The following NAALADL2 variants were observed in gnomAD, a reference collection of about 807,000 sequenced individuals.
NAALADL2 encodes the protein N-acetylated alpha-linked acidic dipeptidase like 2.
Under a neutral mutation model 87.2 loss-of-function variants are expected in NAALADL2, and 76 were observed. That is an observed-to-expected ratio of 0.87 (90% CI 0.72 to 1.05). The LOEUF is 1.05. Among genes scored for constraint, NAALADL2 ranks in the 50% least tolerant of loss-of-function variants. The pLI is 0.00. For missense variants in NAALADL2, 1,089 were observed against 945.8 expected, an observed-to-expected ratio of 1.15 and a Z score of -1.99; for synonymous variants, 354 against 331.0, an observed-to-expected ratio of 1.07 and a Z score of -0.75.
chr3:174,498,614 C>A (rs1718697546), intron 1 of NAALADL2, among the ~76,000 whole-genome samples: 1 of 149,752 alleles, frequency 6.7e-6, no homozygotes. Context: ...AAAAGATAAA[C>A]TATATATAAA....
In NAALADL2 at chr3:175,541,923, G is replaced by A. The variant is rs554920496; in HGVS notation, c.1654-34118G>A. Among the ~76,000 whole-genome samples the A allele has an allele frequency of 1.2e-4, 19 of 152,250 alleles. No homozygotes were observed. The East Asian group carries it at 3.5e-3, about 28-fold the overall frequency. On this transcript the variant is annotated intron_variant, in intron 9 of 13. Transcript: ENST00000454872. ...TTTAGAAGAGATGGGGTTTCACCATGTTGGCCAGGCTGTTCTCAAACTTAG... is the reference window on the plus strand; with the variant it reads ...TTTAGAAGAGATGGGGTTTCACCATATTGGCCAGGCTGTTCTCAAACTTAG...
At chr3:175,718,527 A>G (rs1741720796) in intron 11 of NAALADL2, 1 of 1,590,776 alleles carries the variant, frequency 6.3e-7, no homozygotes, top group Non-Finnish European at 8.6e-7. Flanking sequence ...ATCCCTGTCC[A>G]TCTTGTAAGT....
intron 5 of NAALADL2, among the ~76,000 whole-genome samples, chr3:175,394,022 T>G (rs1394885870): frequency 6.6e-6 from 1 of 151,958 alleles, no homozygotes; most frequent in Non-Finnish European, 1.5e-5. Context: ...AATTTACATA[T>G]TTGCAGAAAA....
intron 12 of NAALADL2, among the ~76,000 whole-genome samples, chr3:175,751,406 G>GA (rs1208723155): frequency 6.6e-5 from 10 of 151,030 alleles, no homozygotes; most frequent in East Asian, 5.8e-4. Context: ...ACATCTCTGA[G>GA]AAAAAAAAAG....
intron 2 of NAALADL2, among the ~76,000 whole-genome samples, chr3:175,154,890 T>A (rs1732071260): frequency 6.6e-6 from 1 of 152,146 alleles, no homozygotes. Flanking sequence ...CTTTACTCCA[T>A]ACCCCTGTTA....
intron 1 of NAALADL2, among the ~76,000 whole-genome samples, chr3:175,025,081 G>A (rs544999188): frequency 1.4e-4 from 22 of 151,928 alleles, no homozygotes; most frequent in African/African-American, 4.8e-4. Context: ...TCACTTTTTC[G>A]CTTTGGTAGT....
At chr3:174,673,143 C>G (rs1726729374) in intron 2 of NAALADL2, among the ~76,000 whole-genome samples, 1 of 152,034 alleles carries the variant, frequency 6.6e-6, no homozygotes. Flanking sequence ...GGAATACTTT[C>G]AGCTGGAATA....
At chr3:174,774,463 A>G (rs545175083) in intron 3 of NAALADL2, among the ~76,000 whole-genome samples, 2 of 152,292 alleles carry the variant, frequency 1.3e-5, no homozygotes, top group East Asian at 3.9e-4. Flanking sequence ...TCGAGGAGAA[A>G]CAACAGCCTT....
At chr3:175,219,933 A>G (rs1301592770) in intron 2 of NAALADL2, among the ~76,000 whole-genome samples, 1 of 142,964 alleles carries the variant, frequency 7.0e-6, no homozygotes, top group East Asian at 2.0e-4. Context: ...CATAAATAAT[A>G]TTTTTTCTTA....
intron 1 of NAALADL2, among the ~76,000 whole-genome samples, chr3:174,907,721 T>C (rs1472195960): frequency 2.0e-5 from 3 of 152,100 alleles, no homozygotes; most frequent in Non-Finnish European, 4.4e-5. Flanking sequence ...TGGTGTTCAT[T>C]AGTAACATAA....
intron 13 of NAALADL2, among the ~76,000 whole-genome samples, chr3:175,763,716 C>A (rs1460880448): frequency 2.0e-5 from 3 of 152,050 alleles, no homozygotes; most frequent in African/African-American, 4.8e-5. Flanking sequence ...GAACATGACC[C>A]CACATTTATA....
In NAALADL2 at chr3:175,222,026, CCTGCCTTGG is replaced by C. The variant is rs374851545; in HGVS notation, c.546-11903_546-11895del. On this transcript the variant is annotated intron_variant, in intron 2 of 13. Transcript: ENST00000454872. ...CGAACTCCCGAGCTCAGGGAATCCA[CCTGCCTTGG>C]CCTCCCAGAGTGTCAGTGGTTATTT... Among the ~76,000 whole-genome samples, 5 of 152,152 alleles carry C rather than the reference CCTGCCTTGG, an allele frequency of 3.3e-5. No individual in the cohort carries two copies. The East Asian group carries it at 7.7e-4, about 24-fold the overall frequency.
chr3:175,418,777 T>G (rs1715125413), intron 5 of NAALADL2, among the ~76,000 whole-genome samples: 1 of 151,932 alleles, frequency 6.6e-6, no homozygotes, highest in South Asian at 2.1e-4. Flanking sequence ...GTAGGCTATT[T>G]TTCCACTTGG....
intron 1 of NAALADL2, among the ~76,000 whole-genome samples, chr3:174,949,778 A>C (rs924349762): frequency 1.3e-5 from 2 of 152,246 alleles, no homozygotes; most frequent in Non-Finnish European, 2.9e-5. Context: ...TACAGTAGCT[A>C]AACATTCAAC....
intron 1 of NAALADL2, among the ~76,000 whole-genome samples, chr3:174,929,024 A>G (rs1341010334): frequency 6.6e-6 from 1 of 152,210 alleles, no homozygotes; most frequent in Non-Finnish European, 1.5e-5. Flanking sequence ...TTTTGATTTT[A>G]TAAGCTGTTA....
intron 2 of NAALADL2, among the ~76,000 whole-genome samples, chr3:175,173,340 AT>A (rs1735172812): frequency 6.6e-6 from 1 of 150,950 alleles, no homozygotes; most frequent in Admixed American, 6.6e-5. Context: ...AAATAAATAA[AT>A]AAATAAATAA....
At position 175,808,144 on chromosome 3, in the gene NAALADL2, A is replaced by C. The variant is rs1754870917; in HGVS notation, c.*4941A>C. ...TGCCTGACAAAGATATACACACTGA[A>C]GTGCCTTTAGCAGACCTGGGACCGT... On this transcript the variant is annotated 3_prime_UTR_variant, in exon 14 of 14. Coordinates refer to ENST00000454872, the MANE Select transcript of NAALADL2 (RefSeq NM_207015.3). 6.6e-6 allele frequency: 1 copy of C among 151,908 alleles called. No individual in the cohort carries two copies. Among genetic ancestry groups the C allele is most frequent in the African/African-American group, 2.4e-5 (1 of 41,416 alleles). 9.4% of individuals were successfully genotyped at this position (151,908 alleles called of 1,614,324 possible).
chr3:175,715,833 C>T (rs1741166250), intron 11 of NAALADL2, among the ~76,000 whole-genome samples: 1 of 151,892 alleles, frequency 6.6e-6, no homozygotes, highest in Non-Finnish European at 1.5e-5. Context: ...CAAGATTGTG[C>T]CACTGCACTC....
At position 175,324,231 on chromosome 3, in the gene NAALADL2, T is replaced by C. The variant is rs1760392420; in HGVS notation, c.996T>C (p.Cys332=). The C allele has an allele frequency of 1.2e-6, 2 of 1,613,740 alleles. No homozygotes were observed. The highest frequency in any genetic ancestry group is 2.2e-5 in the East Asian group (1 of 44,850). ...FGGVLLYIDP[C]DLPKTVNPSH... ...GTGTTCTTCTGTATATCGATCCTTGTGATTTGCCAAAGACTGTGAATCCTA... is the reference window on the plus strand; with the variant it reads ...GTGTTCTTCTGTATATCGATCCTTGCGATTTGCCAAAGACTGTGAATCCTA... Residue 332 remains cysteine (C), a synonymous_variant, in exon 5 of 14, where the codon TGT becomes TGC. Transcript: ENST00000454872.
Sources: gnomAD v4.1 joint callset for allele counts (sites outside exome capture counted in the v4.1 genomes callset) on GRCh38, gnomAD v4.1.1 for gene constraint, MANE v1.5 for transcripts, NCBI Gene and HGNC (gene_info 2026-07-23, HGNC 2026-07-21) for gene names.